USP25: variants seen among roughly 807,000 people sequenced by gnomAD.
USP25 encodes the protein ubiquitin specific peptidase 25.
A neutral mutation model predicts 158.5 loss-of-function variants in USP25; 85 were observed. The observed-to-expected ratio is 0.54, with a 90% CI of 0.45 to 0.64. The LOEUF is 0.64. USP25 is among the 30% of genes least tolerant of loss of function. The pLI is 0.00. For missense variants in USP25, 1,242 were observed against 1,327.3 expected (o/e 0.94, Z 1.00); for synonymous variants, 464 against 460.4 (o/e 1.01, Z -0.10).
chr21:15,749,107 A>G (rs577632272), intron 1 of USP25, among the ~76,000 whole-genome samples: 1 of 152,246 alleles, frequency 6.6e-6, no homozygotes, highest in South Asian at 2.1e-4. Context: ...AATGTAGAGC[A>G]GGATACACTT....
At chr21:15,821,743 C>T (rs772162644) in intron 10 of USP25, among the ~76,000 whole-genome samples, 21 of 151,808 alleles carry the variant, frequency 1.4e-4, no homozygotes, top group Non-Finnish European at 2.4e-4. Flanking sequence ...TTTGATATTC[C>T]GTGGGGAATT....
At chr21:15,803,402 C>T (rs1446163137) in intron 6 of USP25, among the ~76,000 whole-genome samples, 2 of 151,622 alleles carry the variant, frequency 1.3e-5, no homozygotes, top group Non-Finnish European at 1.5e-5. Context: ...AAGGATAATA[C>T]CTCATAGAGA....
intron 8 of USP25, among the ~76,000 whole-genome samples, chr21:15,810,441 T>G (rs953324563): frequency 6.6e-6 from 1 of 152,170 alleles, no homozygotes; most frequent in African/African-American, 2.4e-5. Flanking sequence ...AAGGCAAGGA[T>G]AAACTTTGTC....
intron 20 of USP25, among the ~76,000 whole-genome samples, chr21:15,862,908 GTTA>G (rs2039493591): frequency 6.6e-6 from 1 of 151,788 alleles, no homozygotes; most frequent in African/African-American, 2.4e-5. Context: ...ATGTTTATCA[GTTA>G]TTTTTTCTCC....
At position 15,805,194 on chromosome 21, in the gene USP25, A is replaced by G. The variant is rs867555543; in HGVS notation, c.716A>G (p.Tyr239Cys). ...CTTCTTGTTGGTACCAAAAGGAAGT[A>G]TGTTGATCCATCAAGAGCAGTTGAA... is the stretch of plus-strand genomic sequence containing the variant. ...FALLVGTKRK[Y>C]VDPSRAVEIL... Residue 239 changes from tyrosine to cysteine, a missense_variant, in exon 7 of 26, where the codon TAT (tyrosine) becomes TGT (cysteine). By Grantham distance (194) the Tyr-to-Cys change is radical. This residue lies in a region of USP25 where 627 missense variants were observed against 701.4 expected (regional missense o/e 0.89). Transcript: ENST00000400183. 1 of 1,610,356 alleles carries G rather than the reference A, an allele frequency of 6.2e-7. No individual in the cohort carries two copies. The highest frequency in any genetic ancestry group is 1.7e-5 in the Admixed American group (1 of 59,302).
chr21:15,811,216 G>A lies in USP25; in HGVS notation c.931+6G>A. On this transcript the variant is annotated splice_donor_region_variant and intron_variant, in intron 9 of 25. Transcript: ENST00000400183. ...GGCTGTGGGAGTACTTGAAGGTAGA[G>A]TTATACATTTACTTTTTATTGCAAG... 5.0e-6 allele frequency: 8 copies of A among 1,604,262 alleles called. No individual in the cohort carries two copies. The highest frequency in any genetic ancestry group is 6.8e-6 in the Non-Finnish European group (8 of 1,175,836).
intron 20 of USP25, among the ~76,000 whole-genome samples, chr21:15,864,052 TTA>T (rs1491581241): frequency 1.4e-5 from 2 of 145,928 alleles, no homozygotes; most frequent in African/African-American, 5.0e-5. Context: ...TTTTTTTTTT[TTA>T]AAAGAAGGGC....
chr21:15,831,692 G>A, intron 16 of USP25, 63 bp downstream of exon 16: 1 of 1,344,216 alleles, frequency 7.4e-7, no homozygotes, highest in Non-Finnish European at 1.1e-6. Flanking sequence ...GGTATGTGGT[G>A]TGATTAGTTA....
chr21:15,808,785 C>A, intron 7 of USP25, 24 bp from the exon 8 acceptor site: 4 of 1,565,578 alleles, frequency 2.6e-6, no homozygotes, highest in South Asian at 1.2e-5. Context: ...GCTCAAATAT[C>A]AACAGGCTTT....
chr21:15,874,294 G>A, intron 23 of USP25, 109 bp from the exon 24 acceptor site: 1 of 1,008,122 alleles, frequency 9.9e-7, no homozygotes, highest in Non-Finnish European at 1.4e-6. Context: ...TTATTATAAT[G>A]TAGATTATCA....
At position 15,816,053 on chromosome 21, in the gene USP25, G is replaced by A. The variant is rs757383898; in HGVS notation, c.932-2645G>A. Reference sequence around the variant, plus strand: ...TGATGTGGTTCAGCTGTGTCCTGATGTAAATCTCAACTTGAATTATATCTC... The same window carrying A: ...TGATGTGGTTCAGCTGTGTCCTGATATAAATCTCAACTTGAATTATATCTC... On this transcript the variant is annotated intron_variant, in intron 9 of 25. Coordinates refer to ENST00000400183, the MANE Select transcript of USP25 (RefSeq NM_001283041.3). The surrounding 1 kb of genome is among the most constrained non-coding windows in gnomAD (Gnocchi z 4.0). Among the ~76,000 whole-genome samples, 11 of 152,188 alleles carry A rather than the reference G, an allele frequency of 7.2e-5. No individual in the cohort carries two copies. Among genetic ancestry groups the A allele is most frequent in the Non-Finnish European group, 1.2e-4 (8 of 68,032 alleles).
intron 20 of USP25, among the ~76,000 whole-genome samples, chr21:15,854,550 ACT>A (rs1450327725): frequency 1.3e-5 from 2 of 152,022 alleles, no homozygotes; most frequent in East Asian, 3.9e-4. Context: ...AAGCTTTTTA[ACT>A]CTGTGCCTGT....
intron 1 of USP25, among the ~76,000 whole-genome samples, chr21:15,734,604 A>G (rs1447721220): frequency 1.3e-5 from 2 of 152,148 alleles, no homozygotes; most frequent in African/African-American, 4.8e-5. Context: ...TATTATATGT[A>G]TACAGTCCAT....
chr21:15,866,416 A>G, intron 22 of USP25, 72 bp downstream of exon 22: 1 of 1,185,646 alleles, frequency 8.4e-7, no homozygotes, highest in Non-Finnish European at 1.1e-6. Flanking sequence ...CTTTCGTTTC[A>G]GCCCAACTGA....
At chr21:15,814,093 C>T (rs896628377) in intron 9 of USP25, among the ~76,000 whole-genome samples, 2 of 149,614 alleles carry the variant, frequency 1.3e-5, no homozygotes, top group African/African-American at 2.5e-5. Context: ...TCCATGGCGG[C>T]GACAAGAGAA....
chr21:15,833,577 G>T (rs2037915587), intron 17 of USP25, 29 bp downstream of exon 17: 2 of 1,571,006 alleles, frequency 1.3e-6, no homozygotes, highest in South Asian at 1.2e-5. Flanking sequence ...AGTTGTGTTT[G>T]ATTATCAATA....
At chr21:15,797,757 A>G (rs2035931063) in intron 5 of USP25, among the ~76,000 whole-genome samples, 1 of 151,324 alleles carries the variant, frequency 6.6e-6, no homozygotes, top group Middle Eastern at 3.4e-3. Context: ...AGTCCCCCTT[A>G]TCTTTGGTTT....
chr21:15,791,599 C>A lies in USP25; in HGVS notation c.490C>A (p.Gln164Lys). 1.2e-6 allele frequency: 2 copies of A among 1,611,552 alleles called. No homozygotes were observed. The highest frequency in any genetic ancestry group is 1.7e-6 in the Non-Finnish European group (2 of 1,178,348). Residue 164 changes from glutamine (Q) to lysine (K), a missense_variant, in exon 5 of 26, where the codon CAG becomes AAG. Coordinates refer to ENST00000400183, the MANE Select transcript of USP25 (RefSeq NM_001283041.3). ...DSRNPYDRKR[Q>K]DKAPVGLKNV... is the part of the protein sequence containing the mutation. Reference sequence around the variant, plus strand: ...TCGAAACCCTTATGATAGAAAAAGACAGGACAAAGCTCCCGTTGGGCTAAA... The same window carrying A: ...TCGAAACCCTTATGATAGAAAAAGAAAGGACAAAGCTCCCGTTGGGCTAAA...
chr21:15,809,323 T>C (rs917605719), intron 8 of USP25, among the ~76,000 whole-genome samples: 6 of 152,170 alleles, frequency 3.9e-5, no homozygotes, highest in African/African-American at 9.7e-5. Context: ...GTGAAAATTA[T>C]ACTGTGTCTC....
Sources: gnomAD v4.1 joint callset for allele counts (sites outside exome capture counted in the v4.1 genomes callset) on GRCh38, gnomAD v4.1.1 for gene constraint, gnomAD v4.1.1 regional missense constraint, Gnocchi (gnomAD v3.1) non-coding constraint, MANE v1.5 for transcripts, NCBI Gene and HGNC (gene_info 2026-07-23, HGNC 2026-07-21) for gene names.